Variants in DMXL2 observed in about 807,000 individuals in gnomAD.
The protein encoded by DMXL2 is dmX-like protein 2.
Under a neutral mutation model 331.1 loss-of-function variants are expected in DMXL2, and 103 were observed. The observed-to-expected ratio is 0.31, with a 90% CI of 0.27 to 0.37. The LOEUF is 0.37. Among genes scored for constraint, DMXL2 ranks in the 10% least tolerant of loss-of-function variants. The pLI is 1.00. For synonymous variants in DMXL2, 1,281 were observed against 1,252.1 expected (o/e 1.02, Z -0.49); for missense variants, 3,171 against 3,642.9 (o/e 0.87, Z 3.33).
chr15:51,602,293 G>A (rs2141325136), intron 1 of DMXL2, among the ~76,000 whole-genome samples: 1 of 152,200 alleles, frequency 6.6e-6, no homozygotes, highest in East Asian at 1.9e-4. Flanking sequence ...GACTCTTAAT[G>A]TTCACAGAAA....
chr15:51,535,299 C>T (rs958668273), intron 13 of DMXL2, among the ~76,000 whole-genome samples: 1 of 152,078 alleles, frequency 6.6e-6, no homozygotes, highest in Non-Finnish European at 1.5e-5. Context: ...GAAAAAGTTC[C>T]AATTTTCCAA....
chr15:51,470,588 T>A (rs75052881), intron 29 of DMXL2, among the ~76,000 whole-genome samples: 1,759 of 152,310 alleles, frequency 0.012, 27 homozygotes, highest in East Asian at 0.026. Flanking sequence ...ACTCTGGAGA[T>A]GTATTCCCTC....
intron 1 of DMXL2, among the ~76,000 whole-genome samples, chr15:51,607,970 G>A (rs764678077): frequency 6.6e-6 from 1 of 152,156 alleles, no homozygotes; most frequent in Non-Finnish European, 1.5e-5. Context: ...CAGACTGCTT[G>A]AGGTCAGGAG....
intron 13 of DMXL2, among the ~76,000 whole-genome samples, chr15:51,524,709 C>T (rs1032041536): frequency 2.0e-5 from 3 of 152,056 alleles, no homozygotes; most frequent in African/African-American, 4.8e-5. Flanking sequence ...GGAGCCCTAC[C>T]CAGAGGGGAA....
chr15:51,506,349 C>T (rs1277829036), intron 16 of DMXL2, among the ~76,000 whole-genome samples: 1 of 152,102 alleles, frequency 6.6e-6, no homozygotes. Flanking sequence ...ACGCATGAGC[C>T]ACCATGCCCA....
At chr15:51,553,158 T>C (rs923695783) in intron 6 of DMXL2, among the ~76,000 whole-genome samples, 2 of 152,198 alleles carry the variant, frequency 1.3e-5, no homozygotes, top group African/African-American at 4.8e-5. Flanking sequence ...ATACTTGATA[T>C]TTTTTTCTGT....
chr15:51,547,516 T>C, intron 6 of DMXL2, 108 bp from the exon 7 acceptor site: 1 of 667,446 alleles, frequency 1.5e-6, no homozygotes, highest in Non-Finnish European at 2.3e-6. Context: ...AACTAATATG[T>C]GACTTATACA....
At chr15:51,528,403 AC>A (rs1375424513) in intron 13 of DMXL2, among the ~76,000 whole-genome samples, 2 of 152,196 alleles carry the variant, frequency 1.3e-5, no homozygotes, top group African/African-American at 4.8e-5. Context: ...GCCAATGGAA[AC>A]CAAAAAAGAG....
At chr15:51,494,823 T>A (rs1399314003) in intron 19 of DMXL2, among the ~76,000 whole-genome samples, 2 of 152,128 alleles carry the variant, frequency 1.3e-5, no homozygotes, top group Admixed American at 1.3e-4. Context: ...AAAAACTTAG[T>A]TAGATGAGCA....
At chr15:51,569,057 G>A (rs1375802954) in intron 2 of DMXL2, among the ~76,000 whole-genome samples, 2 of 152,178 alleles carry the variant, frequency 1.3e-5, no homozygotes, top group African/African-American at 2.4e-5. Context: ...ACGGTACCGG[G>A]AAGAACAGTA....
chr15:51,486,439 ATGG>A, intron 22 of DMXL2, 102 bp from the exon 23 acceptor site: 1 of 906,928 alleles, frequency 1.1e-6, no homozygotes, highest in Non-Finnish European at 1.7e-6. Flanking sequence ...TTATATCCTA[ATGG>A]TGGGCGAAGG....
chr15:51,529,358 T>C (rs2047868568), intron 13 of DMXL2, among the ~76,000 whole-genome samples: 1 of 152,014 alleles, frequency 6.6e-6, no homozygotes. Flanking sequence ...GACAAGTTTT[T>C]TCCCAGACTA....
chr15:51,564,383 GA>G (rs2050144994), intron 4 of DMXL2, 123 bp from the exon 5 acceptor site: 3 of 636,472 alleles, frequency 4.7e-6, no homozygotes, highest in Non-Finnish European at 4.7e-6. Context: ...TATCGCCAAC[GA>G]AAAACACTTG....
Position 51,480,549 on chromosome 15 carries a change from G to A in DMXL2, c.6557C>T (p.Ser2186Leu). The change falls in exon 24 of 44, where the codon TCA becomes TTA. Residue 2186 changes from serine (S) to leucine (L), a missense_variant. Coordinates refer to ENST00000560891, the MANE Select transcript of DMXL2 (RefSeq NM_001378457.1). ...RMELKFLLQE[S>L]QQETTVKQLQ... ...AAAAAGTGATATTCACACCTGTTGT[G>A]ATTCTTGTAGCAAAAATTTGAGTTC... 1 of 1,519,282 alleles carries A rather than the reference G, an allele frequency of 6.6e-7. No homozygotes were observed. The highest frequency in any genetic ancestry group is 1.3e-5 in the South Asian group (1 of 75,668). 94.1% of individuals were successfully genotyped at this position (1,519,282 alleles called of 1,614,324 possible).
At chr15:51,587,774 C>A (rs1057325928) in intron 1 of DMXL2, among the ~76,000 whole-genome samples, 4 of 152,194 alleles carry the variant, frequency 2.6e-5, no homozygotes, top group African/African-American at 9.7e-5. Flanking sequence ...AACCAGTTTA[C>A]AGTCCCACCA....
chr15:51,525,260 A>T (rs2047604753), intron 13 of DMXL2, among the ~76,000 whole-genome samples: 1 of 152,076 alleles, frequency 6.6e-6, no homozygotes, highest in Admixed American at 6.6e-5. Context: ...GTACTGTGCC[A>T]GGGGTCTTGG....
In DMXL2 at chr15:51,456,374, A is replaced by G; in HGVS notation, c.8338-5T>C. ...ATGTAGATTCCTTTTCATAAGCTTT[A>G]AAAGAAAATTTTAAAAATTTTATTT... is the stretch of plus-strand genomic sequence containing the variant. On this transcript the variant is annotated splice_polypyrimidine_tract_variant and splice_region_variant and intron_variant, in intron 37 of 43. Coordinates refer to ENST00000560891, the MANE Select transcript of DMXL2 (RefSeq NM_001378457.1). 1 of 1,564,302 alleles carries G rather than the reference A, an allele frequency of 6.4e-7. No individual in the cohort carries two copies. The highest frequency in any genetic ancestry group is 8.7e-7 in the Non-Finnish European group (1 of 1,154,496).
chr15:51,458,750 G>A lies in DMXL2; in HGVS notation c.8035C>T (p.His2679Tyr), dbSNP rs199806210. The A allele has an allele frequency of 5.6e-5, 90 of 1,613,958 alleles. No individual in the cohort carries two copies. In the Admixed American group the frequency reaches 1.5e-3, roughly 26 times the overall value. The change falls in exon 35 of 44, where the codon CAT becomes TAT. Residue 2679 changes from histidine (H) to tyrosine (Y), a missense_variant. By Grantham distance (83) the His-to-Tyr change is moderately conservative. Around this residue, in one of 7 missense-constraint regions of DMXL2, gnomAD observed 766 missense variants for 940.5 expected, o/e 0.81. Coordinates refer to ENST00000560891, the MANE Select transcript of DMXL2 (RefSeq NM_001378457.1). Reference protein sequence around the residue: ...GYPGGKAKVIHKESDMIMAFS... With the variant: ...GYPGGKAKVIYKESDMIMAFS... ...GCCATGATCATATCAGATTCCTTAT[G>A]GATGACTTTCGCCTTTCCACCTGGA...
chr15:51,597,378 AAT>A lies in DMXL2; in HGVS notation c.88-21199_88-21198del, dbSNP rs149318243. On this transcript the variant is annotated intron_variant, in intron 1 of 43. Coordinates refer to ENST00000560891, the MANE Select transcript of DMXL2 (RefSeq NM_001378457.1). ...TCAACCTCTGTATGCATGCCTAAAC[AAT>A]ATGGTTTAGTTTTGCCTCCCCTCTG... 6.6e-3 allele frequency among the ~76,000 whole-genome samples: 1,007 copies of A among 152,302 alleles called. 8 individuals are homozygous for A. Among genetic ancestry groups the A allele is most frequent in the African/African-American group, 0.023 (969 of 41,552 alleles).
Sources: allele counts gnomAD v4.1 joint callset (sites outside exome capture counted in the v4.1 genomes callset), GRCh38; gene constraint gnomAD v4.1.1; regional missense constraint gnomAD v4.1.1; transcripts MANE v1.5; gene names NCBI Gene and HGNC (gene_info 2026-07-23, HGNC 2026-07-21).